The following CSMD3 variants were observed in gnomAD, a reference collection of about 807,000 sequenced individuals.
CSMD3 encodes CUB and sushi domain-containing protein 3.
In CSMD3, 177 loss-of-function variants were observed where a neutral mutation model predicts 435.2. The observed-to-expected ratio is 0.41, with a 90% CI of 0.36 to 0.46. The LOEUF is 0.46. CSMD3 is among the 20% of genes least tolerant of loss of function. The pLI, the probability that CSMD3 is intolerant of heterozygous loss-of-function variation, is 0.34. For synonymous variants in CSMD3, 1,656 were observed against 1,520.5 expected, an observed-to-expected ratio of 1.09 and a Z score of -2.07; for missense variants, 4,265 against 4,504.6, an observed-to-expected ratio of 0.95 and a Z score of 1.52.
intron 14 of CSMD3, among the ~76,000 whole-genome samples, chr8:112,686,618 C>T (rs1472520144): frequency 6.6e-6 from 1 of 151,520 alleles, no homozygotes. Flanking sequence ...TCCGGAGTAG[C>T]TGGGAATACA....
intron 40 of CSMD3, among the ~76,000 whole-genome samples, chr8:112,350,887 T>C (rs1826078524): frequency 6.6e-6 from 1 of 152,042 alleles, no homozygotes; most frequent in Non-Finnish European, 1.5e-5. Flanking sequence ...GAGAAAACTC[T>C]CTAAGAATTT....
At chr8:113,344,896 T>G (rs1286969523) in intron 1 of CSMD3, among the ~76,000 whole-genome samples, 1 of 152,140 alleles carries the variant, frequency 6.6e-6, no homozygotes, top group Non-Finnish European at 1.5e-5. Context: ...ATGATAATTA[T>G]TATTGTACAT....
chr8:112,372,326 G>A (rs1455089683), intron 38 of CSMD3, among the ~76,000 whole-genome samples: 1 of 152,148 alleles, frequency 6.6e-6, no homozygotes, highest in Non-Finnish European at 1.5e-5. Context: ...GTTGGAATAA[G>A]AGGCTAAAGA....
At chr8:113,336,027 TCTC>T (rs1272074145) in intron 1 of CSMD3, among the ~76,000 whole-genome samples, 1 of 152,166 alleles carries the variant, frequency 6.6e-6, no homozygotes, top group East Asian at 1.9e-4. Context: ...CTCTTTCCCT[TCTC>T]CTTTTATAAT....
At chr8:112,316,933 T>G (rs751828647) in intron 47 of CSMD3, among the ~76,000 whole-genome samples, 1 of 151,934 alleles carries the variant, frequency 6.6e-6, no homozygotes, top group Non-Finnish European at 1.5e-5. Context: ...AGTCAAAAAA[T>G]TTTTTAAATG....
intron 54 of CSMD3, 39 bp from the exon 55 acceptor site, chr8:112,292,749 GA>G (rs759755804): frequency 1.5e-5 from 24 of 1,565,932 alleles, no homozygotes; most frequent in East Asian, 2.2e-5. Flanking sequence ...AGGAAACACA[GA>G]AAAAAAATAT....
intron 4 of CSMD3, among the ~76,000 whole-genome samples, chr8:113,137,263 G>C (rs2091439478): frequency 6.6e-6 from 1 of 151,592 alleles, no homozygotes; most frequent in Non-Finnish European, 1.5e-5. Context: ...AATGATGGCG[G>C]TTTTACCTGG....
chr8:112,935,167 C>T (rs113917362), intron 9 of CSMD3, among the ~76,000 whole-genome samples: 5,146 of 152,070 alleles, frequency 0.034, 151 homozygotes, highest in Middle Eastern at 0.051. Flanking sequence ...CCTTTTCTTA[C>T]GGCGTGTTCT....
In CSMD3 at chr8:112,573,635, G is replaced by A. The variant is rs761300141; in HGVS notation, c.3908C>T (p.Thr1303Met). 2.5e-5 allele frequency: 40 copies of A among 1,611,842 alleles called. 1 individual carries two copies. The highest frequency in any genetic ancestry group is 1.6e-4 in the Middle Eastern group (1 of 6,078). Reference sequence around the variant, plus strand: ...AGTAAAAGCACCTAGTAGATGAGTCGTTTTATCTTTTCCATCATAAATCTG... The same window carrying A: ...AGTAAAAGCACCTAGTAGATGAGTCATTTTATCTTTTCCATCATAAATCTG... ...VLKIYDGKDKTTHLLGAFTGA... is the reference protein window; with the variant it reads ...VLKIYDGKDKMTHLLGAFTGA... Residue 1303 changes from threonine to methionine, a missense_variant, in exon 24 of 71, where the codon ACG becomes ATG. Physicochemically the swap from Thr to Met is moderately conservative, Grantham distance 81 (BLOSUM62 -1). Around this residue, in one of 3 missense-constraint regions of CSMD3, gnomAD observed 3,255 missense variants for 3,380.2 expected, o/e 0.96. Coordinates refer to ENST00000297405, the MANE Select transcript of CSMD3 (RefSeq NM_198123.2).
At chr8:112,282,844 A>C (rs1408997762) in intron 58 of CSMD3, among the ~76,000 whole-genome samples, 1 of 152,130 alleles carries the variant, frequency 6.6e-6, no homozygotes, top group East Asian at 1.9e-4. Context: ...TAGGAGAAAA[A>C]TGATTTATTG....
chr8:112,692,923 A>T (rs1437528495), intron 13 of CSMD3, among the ~76,000 whole-genome samples: 1 of 109,114 alleles, frequency 9.2e-6, no homozygotes. Context: ...ATATCTATCT[A>T]TCTATCTATC....
intron 45 of CSMD3, among the ~76,000 whole-genome samples, chr8:112,332,548 T>A (rs1382582465): frequency 1.3e-5 from 2 of 152,256 alleles, no homozygotes; most frequent in East Asian, 1.9e-4. Context: ...CAGGTAGGAA[T>A]GAAAGCAGTG....
intron 5 of CSMD3, among the ~76,000 whole-genome samples, chr8:113,055,938 A>G (rs1301780752): frequency 6.6e-6 from 1 of 152,180 alleles, no homozygotes; most frequent in Non-Finnish European, 1.5e-5. Flanking sequence ...AGCTGGCATA[A>G]AAACTGTGAC....
At chr8:113,127,742 T>C (rs779814855) in intron 4 of CSMD3, among the ~76,000 whole-genome samples, 42 of 152,068 alleles carry the variant, frequency 2.8e-4, no homozygotes, top group South Asian at 1.4e-3. Flanking sequence ...TTAAAACATG[T>C]TACTCCCCTC....
At chr8:112,550,371 C>T (rs1193518273) in intron 27 of CSMD3, among the ~76,000 whole-genome samples, 1 of 151,726 alleles carries the variant, frequency 6.6e-6, no homozygotes, top group East Asian at 1.9e-4. Context: ...ATACTATTTC[C>T]AGATTATAAG....
chr8:112,609,086 C>T (rs1448484370), intron 22 of CSMD3, among the ~76,000 whole-genome samples: 1 of 150,868 alleles, frequency 6.6e-6, no homozygotes, highest in Non-Finnish European at 1.5e-5. Flanking sequence ...CCTGTAATCC[C>T]AGCTACTCAG....
intron 9 of CSMD3, among the ~76,000 whole-genome samples, chr8:112,938,792 A>T (rs769044817): frequency 6.6e-6 from 1 of 152,124 alleles, no homozygotes; most frequent in Non-Finnish European, 1.5e-5. Flanking sequence ...TTGAGGAAGA[A>T]TTTAAATGCT....
intron 13 of CSMD3, among the ~76,000 whole-genome samples, chr8:112,755,908 AGTTTT>A: frequency 7.2e-6 from 1 of 139,240 alleles, no homozygotes. Flanking sequence ...TATTTTATTT[AGTTTT>A]ATTTTATTTT....
intron 36 of CSMD3, among the ~76,000 whole-genome samples, chr8:112,387,585 T>G (rs1307987772): frequency 1.3e-5 from 2 of 151,988 alleles, no homozygotes; most frequent in Non-Finnish European, 2.9e-5. Flanking sequence ...CTTGATAGTT[T>G]TTTTTTAGCG....
Sources: allele counts gnomAD v4.1 joint callset (sites outside exome capture counted in the v4.1 genomes callset), GRCh38; gene constraint gnomAD v4.1.1; regional missense constraint gnomAD v4.1.1; transcripts MANE v1.5; gene names NCBI Gene and HGNC (gene_info 2026-07-23, HGNC 2026-07-21).